R3HDM2: variants seen among roughly 807,000 people sequenced by gnomAD.
R3HDM2 encodes the protein R3H domain-containing protein 2.
R3HDM2 carries 38 observed loss-of-function variants against 124.5 expected under a neutral mutation model. That is an observed-to-expected ratio of 0.31 (90% CI 0.24 to 0.40). The LOEUF (loss-of-function observed/expected upper bound fraction) is 0.40, where lower values mean the gene tolerates loss of function less well. Ranked by LOEUF, R3HDM2 falls within the 10% of genes least tolerant of loss-of-function variation. R3HDM2 has a pLI of 1.00. For synonymous variants in R3HDM2, 391 were observed against 448.0 expected (o/e 0.87, Z 1.61); for missense variants, 869 against 1,236.9 (o/e 0.70, Z 4.46).
rs1301154233 is a variant in R3HDM2 at position 57,303,200 on chromosome 12, A to G, written c.183T>C (p.His61=). 1 of 1,530,936 alleles carries G rather than the reference A, an allele frequency of 6.5e-7. No homozygotes were observed. The highest frequency in any genetic ancestry group is 2.4e-5 in the East Asian group (1 of 40,820). The allele number at this position is 1,530,936 out of a possible 1,614,324, so 94.8% of individuals were successfully genotyped here. The change falls in exon 4 of 24, where the codon CAT becomes CAC. Residue 61 remains histidine (H), a synonymous_variant. Transcript: ENST00000402412. ...CCTTGGCTCTTTTCCTGGCATGACCATGGTTAGATGTCCGCCTCTGTTAGA... is the reference window on the plus strand; with the variant it reads ...CCTTGGCTCTTTTCCTGGCATGACCGTGGTTAGATGTCCGCCTCTGTTAGA... ...RQETQRRTSN[H]GHARKRAKSN...
rs754865489 is a variant in R3HDM2 at position 57,430,451 on chromosome 12, G to C, written c.-106+269C>G. 3.3e-6 allele frequency: 3 copies of C among 913,528 alleles called. No homozygotes were observed. The African/African-American group carries it at 5.4e-5, about 16-fold the overall frequency. 56.6% of individuals were successfully genotyped at this position (913,528 alleles called of 1,614,324 possible). On this transcript the variant is annotated intron_variant, in intron 1 of 23. Coordinates refer to ENST00000402412, the MANE Select transcript of R3HDM2 (RefSeq NM_001394031.1). ...CACTGGAAGGGCGCAATAGTTTTTAGGTCACCCCGCAAAGGCCACAGGTGG... is the reference window on the plus strand; with the variant it reads ...CACTGGAAGGGCGCAATAGTTTTTACGTCACCCCGCAAAGGCCACAGGTGG...
intron 3 of R3HDM2, 24 bp downstream of exon 3, chr12:57,310,240 A>C: frequency 6.7e-7 from 1 of 1,484,532 alleles, no homozygotes; most frequent in Non-Finnish European, 9.0e-7. Flanking sequence ...AAAAGTGTGC[A>C]TACAATGCAT....
At chr12:57,326,015 A>T (rs1021922818) in intron 2 of R3HDM2, among the ~76,000 whole-genome samples, 2 of 152,030 alleles carry the variant, frequency 1.3e-5, no homozygotes, top group African/African-American at 2.4e-5. Context: ...TGTTATTGTG[A>T]TCTGGCATCA....
At chr12:57,317,049 AT>A (rs2055202223) in intron 2 of R3HDM2, among the ~76,000 whole-genome samples, 1 of 151,502 alleles carries the variant, frequency 6.6e-6, no homozygotes, top group South Asian at 2.1e-4. Context: ...ACCTGGCCTA[AT>A]TTTTGTATTT....
chr12:57,364,182 C>G (rs1483119298), intron 2 of R3HDM2, among the ~76,000 whole-genome samples: 1 of 121,562 alleles, frequency 8.2e-6, no homozygotes, highest in Non-Finnish European at 1.6e-5. Flanking sequence ...GAGTATCACT[C>G]TGTCACCCAG....
At chr12:57,374,683 T>TAA (rs56197858) in intron 2 of R3HDM2, among the ~76,000 whole-genome samples, 641 of 28,080 alleles carry the variant, frequency 0.023, 62 homozygotes, top group Non-Finnish European at 0.028. Context: ...AATTCTATCT[T>TAA]AAAAAAAAAA....
intron 12 of R3HDM2, among the ~76,000 whole-genome samples, chr12:57,284,759 A>G (rs1014392242): frequency 6.6e-6 from 1 of 152,228 alleles, no homozygotes; most frequent in Non-Finnish European, 1.5e-5. Context: ...GATGGCGAAG[A>G]GCAGGGGGGT....
intron 2 of R3HDM2, among the ~76,000 whole-genome samples, chr12:57,359,517 T>C (rs1318834979): frequency 6.6e-6 from 1 of 152,244 alleles, no homozygotes; most frequent in Non-Finnish European, 1.5e-5. Flanking sequence ...TCTTGATTTC[T>C]TCTAATTGGT....
chr12:57,337,805 T>C (rs995860355), intron 2 of R3HDM2, among the ~76,000 whole-genome samples: 1 of 152,160 alleles, frequency 6.6e-6, no homozygotes, highest in Non-Finnish European at 1.5e-5. Context: ...ACTCGAATCA[T>C]AGGAAGCTAT....
intron 18 of R3HDM2, among the ~76,000 whole-genome samples, chr12:57,267,167 C>G (rs2042616737): frequency 6.6e-6 from 1 of 151,136 alleles, no homozygotes; most frequent in African/African-American, 2.4e-5. Flanking sequence ...GAAACACAGA[C>G]AAAGAGAGTG....
intron 3 of R3HDM2, among the ~76,000 whole-genome samples, chr12:57,309,050 T>C (rs976492143): frequency 6.6e-6 from 1 of 152,150 alleles, no homozygotes; most frequent in African/African-American, 2.4e-5. Flanking sequence ...CGAAAAACAG[T>C]AGAAAAGCAG....
chr12:57,304,275 G>A (rs950171542), intron 3 of R3HDM2, among the ~76,000 whole-genome samples: 6 of 152,156 alleles, frequency 3.9e-5, no homozygotes, highest in African/African-American at 1.2e-4. Context: ...GTGGGATGAC[G>A]GAAAGAACAG....
At chr12:57,258,159 G>A (rs1222098506) in intron 20 of R3HDM2, 22 bp from the exon 21 acceptor site, 31 of 1,500,508 alleles carry the variant, frequency 2.1e-5, no homozygotes, top group Non-Finnish European at 2.6e-5. Flanking sequence ...AGGAGCACAC[G>A]TCACATAAAC....
chr12:57,272,534 G>A lies in R3HDM2; in HGVS notation c.1345-2540C>T, dbSNP rs556817853. The A allele has an allele frequency of 5.2e-6, 8 of 1,545,726 alleles. No homozygotes were observed. The East Asian group carries it at 2.0e-4, about 38-fold the overall frequency. On this transcript the variant is annotated intron_variant, in intron 14 of 23. Transcript: ENST00000402412. ...GAGAGAACTGAACAGGCTGCGGAGAGGGCTGCAGAGCCGGGACTGGCTGTG... is the reference window on the plus strand; with the variant it reads ...GAGAGAACTGAACAGGCTGCGGAGAAGGCTGCAGAGCCGGGACTGGCTGTG...
In R3HDM2 at chr12:57,254,916, A is replaced by T; in HGVS notation, c.2830T>A (p.Tyr944Asn). The T allele has an allele frequency of 6.2e-7, 1 of 1,614,158 alleles. No individual in the cohort carries two copies. Among genetic ancestry groups the T allele is most frequent in the Admixed American group, 1.7e-5 (1 of 60,024 alleles). Residue 944 changes from tyrosine (Y) to asparagine (N), a missense_variant, in exon 24 of 24, where the codon TAC becomes AAC. By Grantham distance (143) the Tyr-to-Asn change is moderately radical. Coordinates refer to ENST00000402412, the MANE Select transcript of R3HDM2 (RefSeq NM_001394031.1). ...CTGGGGAACACAGCCACAATGGTGTACAAGGCAGCGAGGTCCGAGTGGCGG... is the reference window on the plus strand; with the variant it reads ...CTGGGGAACACAGCCACAATGGTGTTCAAGGCAGCGAGGTCCGAGTGGCGG... ...NGRHSDLAAL[Y>N]TIVAVFPSPL...
chr12:57,277,738 G>A (rs1382143087), intron 14 of R3HDM2, among the ~76,000 whole-genome samples: 2 of 152,090 alleles, frequency 1.3e-5, no homozygotes, highest in Non-Finnish European at 2.9e-5. Flanking sequence ...GTGAGCTACC[G>A]CACCCAGTCT....
intron 15 of R3HDM2, 85 bp downstream of exon 15, chr12:57,269,667 G>C: frequency 6.4e-7 from 1 of 1,566,326 alleles, no homozygotes; most frequent in Non-Finnish European, 8.7e-7. Context: ...ATTCCCTCTG[G>C]TCTGTCTAAA....
chr12:57,280,628 T>C, intron 13 of R3HDM2, 98 bp from the exon 14 acceptor site: 1 of 1,087,034 alleles, frequency 9.2e-7, no homozygotes, highest in East Asian at 2.7e-5. Flanking sequence ...TTCTTTGCCT[T>C]TCCTCTTTAT....
At chr12:57,412,457 T>C (rs933356508) in intron 1 of R3HDM2, among the ~76,000 whole-genome samples, 5 of 151,856 alleles carry the variant, frequency 3.3e-5, no homozygotes, top group African/African-American at 9.7e-5. Context: ...GGTGGGAGAA[T>C]CACTTGAACC....
Sources: gnomAD v4.1 joint callset for allele counts (sites outside exome capture counted in the v4.1 genomes callset) on GRCh38, gnomAD v4.1.1 for gene constraint, MANE v1.5 for transcripts, NCBI Gene and HGNC (gene_info 2026-07-23, HGNC 2026-07-21) for gene names.